The following FANCA variants were observed in gnomAD, a reference collection of about 807,000 sequenced individuals.
The protein encoded by FANCA is FA complementation group A.
Under a neutral mutation model 194.3 loss-of-function variants are expected in FANCA, and 236 were observed. The ratio of observed to expected loss-of-function variants is 1.21; its 90% confidence interval spans 1.09 to 1.35. The LOEUF (loss-of-function observed/expected upper bound fraction) is 1.35. Ranked by LOEUF, FANCA falls within the 40% of genes most tolerant of loss-of-function variation. FANCA has a pLI of 0.00. For missense variants in FANCA, 2,628 were observed against 1,813.9 expected, an observed-to-expected ratio of 1.45 and a Z score of -8.15; for synonymous variants, 1,014 against 715.8, an observed-to-expected ratio of 1.42 and a Z score of -6.65.
At position 89,792,038 on chromosome 16, in the gene FANCA, C is replaced by A. The variant is rs982286482; in HGVS notation, c.1114G>T (p.Val372Phe). Reference protein sequence around the residue: ...LFVMLSAEELVGHLQEVLETQ... With the variant: ...LFVMLSAEELFGHLQEVLETQ... Reference sequence around the variant, plus strand: ...TCCAGAACTTCTTGCAAATGGCCAACCAACTCCTCTGCACTCAGCATCACA... The same window carrying A: ...TCCAGAACTTCTTGCAAATGGCCAAACAACTCCTCTGCACTCAGCATCACA... The change falls in exon 13 of 43, where the codon GTT becomes TTT. Residue 372 changes from valine to phenylalanine, a missense_variant. Physicochemically the swap from Val to Phe is conservative, Grantham distance 50. Transcript: ENST00000389301. The A allele has an allele frequency of 6.8e-6, 11 of 1,614,184 alleles. No individual in the cohort carries two copies. Among genetic ancestry groups the A allele is most frequent in the Non-Finnish European group, 5.1e-6 (6 of 1,180,022 alleles).
rs746814384 is a variant in FANCA at position 89,805,298 on chromosome 16, C to A, written c.691G>T (p.Ala231Ser). ...AACGCACCAGAAAGCATGGCCCTGGCGACGTCAGCATGCTGGCAGGATGCT... is the reference window on the plus strand; with the variant it reads ...AACGCACCAGAAAGCATGGCCCTGGAGACGTCAGCATGCTGGCAGGATGCT... ...MEASCQHADV[A>S]RAMLSDFVQM... The change falls in exon 7 of 43, where the codon GCC (alanine) becomes TCC (serine). Residue 231 changes from alanine to serine, a missense_variant. Ala to Ser is a moderately conservative substitution (Grantham distance 99). Coordinates refer to ENST00000389301, the MANE Select transcript of FANCA (RefSeq NM_000135.4). 1.2e-5 allele frequency: 19 copies of A among 1,613,510 alleles called. No homozygotes were observed. The highest frequency in any genetic ancestry group is 1.6e-5 in the Non-Finnish European group (19 of 1,179,706).
In FANCA at chr16:89,803,331, T is replaced by A. The variant is rs765389852; in HGVS notation, c.720A>T (p.Gln240His). The stretch of plus-strand genomic sequence containing the variant: ...TCTGAAATCCCCTCAAAACAAACAT[T>A]TGAACAAAATCTGAAAAACCATAAA... ...VARAMLSDFV[Q>H]MFVLRGFQKN... Residue 240 changes from glutamine to histidine, a missense_variant, in exon 8 of 43, where the codon CAA becomes CAT. Physicochemically the swap from Gln to His is conservative, Grantham distance 24. Coordinates refer to ENST00000389301, the MANE Select transcript of FANCA (RefSeq NM_000135.4). The A allele has an allele frequency of 1.2e-6, 2 of 1,614,072 alleles. No homozygotes were observed. The highest frequency in any genetic ancestry group is 1.7e-5 in the Admixed American group (1 of 60,008).
chr16:89,809,423 G>A (rs1204777578), intron 5 of FANCA, among the ~76,000 whole-genome samples: 1 of 151,942 alleles, frequency 6.6e-6, no homozygotes, highest in Non-Finnish European at 1.5e-5. Flanking sequence ...CTGGATAAAA[G>A]AATGGGAAAG....
Position 89,795,902 on chromosome 16 carries a change from C to T in FANCA, c.1006+4G>A. The T allele has an allele frequency of 6.2e-7, 1 of 1,609,996 alleles. No homozygotes were observed. Among genetic ancestry groups the T allele is most frequent in the Non-Finnish European group, 8.5e-7 (1 of 1,176,254 alleles). ...CAACTGAGCAGCCTCCACACTGGGCCTACCTTTCAGCACAGGGCTGTGAGT... is the reference window on the plus strand; with the variant it reads ...CAACTGAGCAGCCTCCACACTGGGCTTACCTTTCAGCACAGGGCTGTGAGT... On this transcript the variant is annotated splice_donor_region_variant and intron_variant, in intron 11 of 42. Coordinates refer to ENST00000389301, the MANE Select transcript of FANCA (RefSeq NM_000135.4).
At chr16:89,810,280 G>A (rs766365857) in intron 5 of FANCA, among the ~76,000 whole-genome samples, 3 of 147,428 alleles carry the variant, frequency 2.0e-5, no homozygotes, top group South Asian at 4.3e-4. Context: ...CCAAGATCAC[G>A]CCACTGCACT....
intron 3 of FANCA, among the ~76,000 whole-genome samples, chr16:89,813,291 C>A (rs574743882): frequency 1.4e-4 from 21 of 151,844 alleles, no homozygotes; most frequent in African/African-American, 5.1e-4. Flanking sequence ...ACCTGTAGTC[C>A]CAGCTACTCA....
intron 14 of FANCA, among the ~76,000 whole-genome samples, chr16:89,788,332 G>C (rs1383198903): frequency 6.6e-6 from 1 of 151,964 alleles, no homozygotes. Flanking sequence ...GTGGTGGCAG[G>C]CACCTGTAGT....
chr16:89,775,949 C>A, intron 20 of FANCA, 134 bp from the exon 21 acceptor site: 3 of 447,586 alleles, frequency 6.7e-6, no homozygotes, highest in East Asian at 4.2e-5. Flanking sequence ...CAGTATGAGC[C>A]TGTTTTTACA....
chr16:89,748,842 G>A, intron 32 of FANCA, 75 bp from the exon 33 acceptor site: 1 of 1,261,260 alleles, frequency 7.9e-7, no homozygotes. Flanking sequence ...CAGACTCTCA[G>A]AGCAGCAACC....
chr16:89,801,815 G>C (rs2040463923), intron 8 of FANCA, among the ~76,000 whole-genome samples: 1 of 151,974 alleles, frequency 6.6e-6, no homozygotes, highest in South Asian at 2.1e-4. Flanking sequence ...TTGAACCTGG[G>C]AGGCAGAGGT....
chr16:89,752,345 T>G (rs1353178298), intron 30 of FANCA, 123 bp from the exon 31 acceptor site: 2 of 826,406 alleles, frequency 2.4e-6, no homozygotes, highest in African/African-American at 1.7e-5. Context: ...ACCCTCACAT[T>G]AGTCAACAAT....
chr16:89,744,811 C>A, intron 36 of FANCA, 148 bp downstream of exon 36: 1 of 759,232 alleles, frequency 1.3e-6, no homozygotes, highest in South Asian at 1.5e-5. Flanking sequence ...CGCCCACCAC[C>A]ACGAGAACTC....
chr16:89,810,592 T>C, intron 5 of FANCA, 115 bp downstream of exon 5: 1 of 790,040 alleles, frequency 1.3e-6, no homozygotes, highest in South Asian at 1.4e-5. Context: ...CTCTCTGTAA[T>C]TAATGAGAAG....
intron 8 of FANCA, 54 bp from the exon 9 acceptor site, chr16:89,799,692 ATACC>A: frequency 9.3e-6 from 13 of 1,396,698 alleles, no homozygotes; most frequent in Non-Finnish European, 1.2e-5. Flanking sequence ...AATTTGTGTG[ATACC>A]TGCATCACAC....
chr16:89,795,594 C>G (rs541169466), intron 11 of FANCA, among the ~76,000 whole-genome samples: 1 of 152,162 alleles, frequency 6.6e-6, no homozygotes, highest in Admixed American at 6.5e-5. Context: ...GCTGAGATCA[C>G]GCCACTGCAC....
In FANCA at chr16:89,769,955, AC is replaced by A; in HGVS notation, c.2385del (p.Arg795SerfsTer28). ...CCCACATCCACCTCTGGGAGCGCAGACCTGGACTCACCCAGGTGCACGGCCA... is the reference window on the plus strand; with the variant it reads ...CCCACATCCACCTCTGGGAGCGCAGACTGGACTCACCCAGGTGCACGGCCA... The part of the protein sequence containing the change: ...AALAVHLGES[R>X]SALPEVDVGP... On this transcript the variant is annotated frameshift_variant, in exon 26 of 43. Coordinates refer to ENST00000389301, the MANE Select transcript of FANCA (RefSeq NM_000135.4). LOFTEE classifies it high-confidence loss of function. 6.2e-7 allele frequency: 1 copy of A among 1,614,006 alleles called. No individual in the cohort carries two copies. Among genetic ancestry groups the A allele is most frequent in the South Asian group, 1.1e-5 (1 of 91,088 alleles).
In FANCA at chr16:89,808,379, A is replaced by C. The variant is rs761628867; in HGVS notation, c.523-12T>G. 1 of 1,613,744 alleles carries C rather than the reference A, an allele frequency of 6.2e-7. No individual in the cohort carries two copies. The highest frequency in any genetic ancestry group is 8.5e-7 in the Non-Finnish European group (1 of 1,179,872). ...AGCAACAAAGAACTCTGAAAAACAA[A>C]ACAAAACAAACAAAAACAAAAACAA... On this transcript the variant is annotated splice_polypyrimidine_tract_variant and intron_variant, in intron 5 of 42. Coordinates refer to ENST00000389301, the MANE Select transcript of FANCA (RefSeq NM_000135.4).
At chr16:89,761,433 A>AG (rs936273174) in intron 29 of FANCA, among the ~76,000 whole-genome samples, 3 of 151,566 alleles carry the variant, frequency 2.0e-5, no homozygotes, top group East Asian at 3.9e-4. Context: ...AAAAAAAAAA[A>AG]AAAAGAAAAA....
chr16:89,762,076 C>A, intron 28 of FANCA, 54 bp from the exon 29 acceptor site: 1 of 1,388,902 alleles, frequency 7.2e-7, no homozygotes, highest in Non-Finnish European at 1.0e-6. Context: ...CACAATCCAC[C>A]GACAGGTTTA....
Sources: gnomAD v4.1 joint callset for allele counts (sites outside exome capture counted in the v4.1 genomes callset) on GRCh38, gnomAD v4.1.1 for gene constraint, MANE v1.5 for transcripts, NCBI Gene and HGNC (gene_info 2026-07-23, HGNC 2026-07-21) for gene names.